The following FOXP1 variants were observed in gnomAD, a reference collection of about 807,000 sequenced individuals.
The protein encoded by FOXP1 is forkhead box protein P1.
Under a neutral mutation model 98.2 loss-of-function variants are expected in FOXP1, and 15 were observed. The ratio of observed to expected loss-of-function variants is 0.15; its 90% confidence interval spans 0.10 to 0.24. The LOEUF (loss-of-function observed/expected upper bound fraction) is 0.24, where lower values mean the gene tolerates loss of function less well. Ranked by LOEUF, FOXP1 falls within the 10% of genes least tolerant of loss-of-function variation. The pLI is 1.00. For missense variants in FOXP1, 633 were observed against 848.5 expected (o/e 0.75, Z 3.15); for synonymous variants, 371 against 314.5 (o/e 1.18, Z -1.90).
At chr3:71,159,602 T>A (rs1276964613) in intron 6 of FOXP1, among the ~76,000 whole-genome samples, 1 of 152,220 alleles carries the variant, frequency 6.6e-6, no homozygotes, top group Non-Finnish European at 1.5e-5. Context: ...TCTCTTTGAT[T>A]ATAAATAGCC....
chr3:71,121,991 C>A (rs1397434708), intron 6 of FOXP1, among the ~76,000 whole-genome samples: 3 of 152,184 alleles, frequency 2.0e-5, no homozygotes, highest in Non-Finnish European at 4.4e-5. Context: ...CAGCAACTCT[C>A]ATTATGAATA....
At chr3:71,558,421 G>T (rs561395729) in intron 2 of FOXP1, among the ~76,000 whole-genome samples, 3 of 152,270 alleles carry the variant, frequency 2.0e-5, no homozygotes, top group Admixed American at 2.0e-4. Context: ...GGGCTAAGAT[G>T]GCAGAAAGTT....
At chr3:71,247,393 G>A (rs1190426759) in intron 5 of FOXP1, among the ~76,000 whole-genome samples, 1 of 152,150 alleles carries the variant, frequency 6.6e-6, no homozygotes, top group Admixed American at 6.5e-5. Context: ...TGGGACAAGT[G>A]CCAGATGGCC....
intron 12 of FOXP1, among the ~76,000 whole-genome samples, chr3:71,013,232 C>G (rs1025495864): frequency 3.3e-5 from 5 of 152,120 alleles, no homozygotes; most frequent in African/African-American, 1.2e-4. Context: ...AGAACCTGAA[C>G]AAAAGTCAAT....
chr3:71,469,808 T>TCC (rs756319909), intron 3 of FOXP1, among the ~76,000 whole-genome samples: 2 of 151,772 alleles, frequency 1.3e-5, no homozygotes, highest in African/African-American at 4.8e-5. Context: ...AAATATCAGT[T>TCC]CCCCCCCAGT....
At chr3:71,033,567 G>T (rs1332031487) in intron 11 of FOXP1, among the ~76,000 whole-genome samples, 2 of 132,788 alleles carry the variant, frequency 1.5e-5, no homozygotes, top group Non-Finnish European at 3.2e-5. Context: ...AATGGCTGAG[G>T]TTTTTTTGTT....
chr3:70,958,350 G>A lies in FOXP1; in HGVS notation c.*897C>T, dbSNP rs1050024390. 3.8e-5 allele frequency: 20 copies of A among 533,320 alleles called. No homozygotes were observed. The highest frequency in any genetic ancestry group is 3.2e-4 in the African/African-American group (17 of 53,004). 33.0% of individuals were successfully genotyped at this position (533,320 alleles called of 1,614,324 possible). ...TCATTCATTCTCTTTCTGGCAGGAC[G>A]TCACGTCTGTGTGAGAGGGCCTTCA... On this transcript the variant is annotated 3_prime_UTR_variant, in exon 21 of 21. Transcript: ENST00000649528.
At chr3:71,445,952 G>A (rs1021739550) in intron 3 of FOXP1, among the ~76,000 whole-genome samples, 2 of 152,166 alleles carry the variant, frequency 1.3e-5, no homozygotes, top group Non-Finnish European at 2.9e-5. Context: ...CTCCCAAAGT[G>A]CTGGGAATTA....
chr3:71,514,834 G>A (rs190228271), intron 2 of FOXP1, among the ~76,000 whole-genome samples: 4 of 152,102 alleles, frequency 2.6e-5, no homozygotes, highest in African/African-American at 9.7e-5. Flanking sequence ...CTCACACCAC[G>A]CCCAGTAAGG....
At chr3:71,436,183 C>T (rs1244825563) in intron 3 of FOXP1, among the ~76,000 whole-genome samples, 1 of 151,914 alleles carries the variant, frequency 6.6e-6, no homozygotes, top group Non-Finnish European at 1.5e-5. Context: ...TTCAGGTCAT[C>T]AAAAGGCATT....
intron 4 of FOXP1, among the ~76,000 whole-genome samples, chr3:71,350,181 C>T (rs1346647295): frequency 6.6e-6 from 1 of 152,186 alleles, no homozygotes; most frequent in Admixed American, 6.5e-5. Flanking sequence ...AAGACATATG[C>T]ATTTTGACTG....
intron 3 of FOXP1, among the ~76,000 whole-genome samples, chr3:71,439,351 T>A (rs1577517961): frequency 6.6e-6 from 1 of 152,130 alleles, no homozygotes; most frequent in African/African-American, 2.4e-5. Context: ...AGTGATGTAA[T>A]GAAAACCTTC....
chr3:71,225,575 A>G (rs2065770089), intron 5 of FOXP1, among the ~76,000 whole-genome samples: 1 of 152,216 alleles, frequency 6.6e-6, no homozygotes. Flanking sequence ...TCCCTGTAGA[A>G]TTCTGTAAGA....
At chr3:71,203,809 G>A (rs769773442) in intron 5 of FOXP1, among the ~76,000 whole-genome samples, 4 of 152,044 alleles carry the variant, frequency 2.6e-5, no homozygotes, top group Non-Finnish European at 5.9e-5. Flanking sequence ...AAAATTATTA[G>A]AGTAATTACA....
rs759817771 is a variant in FOXP1, at chr3:71,197,940, A to G, written c.180+262T>C. On this transcript the variant is annotated intron_variant, in intron 6 of 20. Transcript: ENST00000649528. ...AAGGGTTAGGCTGACACACAGGTCC[A>G]CTCATCTTCGTCTCAGCAACTGCTC... is the stretch of plus-strand genomic sequence containing the variant. 3.7e-6 allele frequency: 6 copies of G among 1,614,186 alleles called. No individual in the cohort carries two copies. The South Asian group carries it at 5.5e-5, about 15-fold the overall frequency.
chr3:71,262,995 A>G (rs1422746988), intron 5 of FOXP1, among the ~76,000 whole-genome samples: 1 of 152,160 alleles, frequency 6.6e-6, no homozygotes, highest in African/African-American at 2.4e-5. Flanking sequence ...ACATGCCCAA[A>G]GCACCTGAGA....
chr3:71,034,544 AAAT>A (rs1363859471), intron 11 of FOXP1, among the ~76,000 whole-genome samples: 5 of 152,178 alleles, frequency 3.3e-5, no homozygotes, highest in African/African-American at 7.2e-5. Context: ...CAAAAAATAA[AAAT>A]AAAAAATAAA....
intron 3 of FOXP1, among the ~76,000 whole-genome samples, chr3:71,379,728 T>C (rs1471231763): frequency 1.3e-5 from 2 of 152,262 alleles, no homozygotes; most frequent in Admixed American, 6.5e-5. Context: ...TTCATCTATG[T>C]ATTGCTTCTT....
chr3:71,521,157 C>T (rs904771818), intron 2 of FOXP1, among the ~76,000 whole-genome samples: 11 of 151,636 alleles, frequency 7.3e-5, no homozygotes, highest in African/African-American at 9.7e-5. Flanking sequence ...AAGGAAAGCT[C>T]CTGAAAGGGA....
Sources: allele counts gnomAD v4.1 joint callset (sites outside exome capture counted in the v4.1 genomes callset), GRCh38; gene constraint gnomAD v4.1.1; transcripts MANE v1.5; gene names NCBI Gene and HGNC (gene_info 2026-07-23, HGNC 2026-07-21).